The following TMEM178B variants were observed in gnomAD, a reference collection of about 807,000 sequenced individuals.
The protein encoded by TMEM178B is transmembrane protein 178B.
TMEM178B carries 5 observed loss-of-function variants against 31.0 expected under a neutral mutation model. That is an observed-to-expected ratio of 0.16 (90% CI 0.08 to 0.34). The LOEUF (loss-of-function observed/expected upper bound fraction) is 0.34. Ranked by LOEUF, TMEM178B falls within the 10% of genes least tolerant of loss-of-function variation. The probability of loss-of-function intolerance (pLI) is 1.00; values close to 1 mark genes in which losing one functional copy is unlikely to be tolerated. For synonymous variants in TMEM178B, 164 were observed against 164.0 expected, an observed-to-expected ratio of 1.00 and a Z score of 0.00; for missense variants, 275 against 400.3, an observed-to-expected ratio of 0.69 and a Z score of 2.67.
rs150583146 is a variant in TMEM178B at position 141,436,812 on chromosome 7, C to T, written c.497-796C>T. ...CCCTTCTGCTAAAAATACTGCCTTT[C>T]CAGACAACCCTCTTCCTCCTGGAGC... On this transcript the variant is annotated intron_variant, in intron 2 of 3. Transcript: ENST00000565468. 1.6e-3 allele frequency among the ~76,000 whole-genome samples: 236 copies of T among 152,244 alleles called. 1 individual carries two copies. The highest frequency in any genetic ancestry group is 5.6e-3 in the African/African-American group (233 of 41,536).
the TMEM178B span, among the ~76,000 whole-genome samples, chr7:141,506,608 C>T: frequency 1.3e-5 from 2 of 152,132 alleles, no homozygotes; most frequent in African/African-American, 2.4e-5. Context: ...CTGGGAGATA[C>T]AATTCAAGTT....
chr7:141,156,284 T>C (rs1796068659), intron 1 of TMEM178B, among the ~76,000 whole-genome samples: 1 of 152,232 alleles, frequency 6.6e-6, no homozygotes, highest in Admixed American at 6.5e-5. Context: ...GAACTGGATC[T>C]CTGAGGTCTT....
chr7:141,108,887 G>A (rs1428275664), intron 1 of TMEM178B, among the ~76,000 whole-genome samples: 1 of 152,194 alleles, frequency 6.6e-6, no homozygotes, highest in East Asian at 1.9e-4. Flanking sequence ...AAGGAAAGAG[G>A]TTTAATGGAC....
At chr7:141,337,618 G>A (rs1799447176) in intron 2 of TMEM178B, among the ~76,000 whole-genome samples, 2 of 152,160 alleles carry the variant, frequency 1.3e-5, no homozygotes, top group Admixed American at 6.5e-5. Context: ...TGGTGATGAA[G>A]CCTCTGTTCT....
At chr7:141,434,968 A>G (rs1019683261) in intron 2 of TMEM178B, among the ~76,000 whole-genome samples, 1 of 152,264 alleles carries the variant, frequency 6.6e-6, no homozygotes, top group African/African-American at 2.4e-5. Flanking sequence ...ATAGTATTCC[A>G]TTGTGTATAT....
At chr7:141,297,501 C>T (rs1798655165) in intron 2 of TMEM178B, among the ~76,000 whole-genome samples, 1 of 152,182 alleles carries the variant, frequency 6.6e-6, no homozygotes, top group Non-Finnish European at 1.5e-5. Flanking sequence ...TGCTATCCCT[C>T]TCCCCTTCCC....
intron 1 of TMEM178B, among the ~76,000 whole-genome samples, chr7:141,133,828 T>C (rs564394773): frequency 6.6e-6 from 1 of 152,132 alleles, no homozygotes; most frequent in Non-Finnish European, 1.5e-5. Context: ...TTCTGAAAAA[T>C]AACAAGAGGA....
intron 2 of TMEM178B, among the ~76,000 whole-genome samples, chr7:141,219,518 A>G (rs1797220471): frequency 6.6e-6 from 1 of 152,132 alleles, no homozygotes; most frequent in Non-Finnish European, 1.5e-5. Context: ...CTTGCCCCAG[A>G]ACTAGAAAAA....
intron 2 of TMEM178B, among the ~76,000 whole-genome samples, chr7:141,374,666 ATTAC>A (rs1417990436): frequency 6.6e-5 from 10 of 152,194 alleles, no homozygotes; most frequent in African/African-American, 2.2e-4. Context: ...CCATGTGACA[ATTAC>A]TTAAGCATTC....
chr7:141,362,298 A>G (rs1231251646), intron 2 of TMEM178B, among the ~76,000 whole-genome samples: 1 of 152,230 alleles, frequency 6.6e-6, no homozygotes, highest in Non-Finnish European at 1.5e-5. Flanking sequence ...TGGGACAAAA[A>G]TCACTCAATT....
At chr7:141,417,525 G>A (rs556105502) in intron 2 of TMEM178B, among the ~76,000 whole-genome samples, 1 of 152,200 alleles carries the variant, frequency 6.6e-6, no homozygotes, top group Non-Finnish European at 1.5e-5. Flanking sequence ...GGCACTAAGT[G>A]AGGGGTCCCA....
At chr7:141,173,456 G>A (rs1000626484) in intron 1 of TMEM178B, among the ~76,000 whole-genome samples, 1 of 152,170 alleles carries the variant, frequency 6.6e-6, no homozygotes, top group Non-Finnish European at 1.5e-5. Flanking sequence ...TCCAAGGAAG[G>A]CTTCACTGAG....
intron 2 of TMEM178B, among the ~76,000 whole-genome samples, chr7:141,298,471 G>GA (rs1235226337): frequency 6.6e-6 from 1 of 152,140 alleles, no homozygotes; most frequent in Non-Finnish European, 1.5e-5. Flanking sequence ...TCTTCAATGT[G>GA]AACTCCAATA....
Position 141,419,319 on chromosome 7 carries a change from A to G in TMEM178B, c.497-18289A>G, listed in dbSNP as rs550079031. Among the ~76,000 whole-genome samples the G allele has an allele frequency of 1.1e-3, 168 of 152,336 alleles. 1 individual carries two copies. The highest frequency in any genetic ancestry group is 3.8e-3 in the African/African-American group (159 of 41,584). ...TTGAGTCTGTGTCTTGGTCAAGGAC[A>G]TCACCAAGGATATCATTTTCCCCAT... is the stretch of plus-strand genomic sequence containing the variant. On this transcript the variant is annotated intron_variant, in intron 2 of 3. Transcript: ENST00000565468.
chr7:141,171,830 A>G lies in TMEM178B; in HGVS notation c.383-40761A>G, dbSNP rs1364720213. Among the ~76,000 whole-genome samples the G allele has an allele frequency of 4.1e-5, 5 of 121,704 alleles. No individual in the cohort carries two copies. Among genetic ancestry groups the G allele is most frequent in the Non-Finnish European group, 8.9e-5 (5 of 55,924 alleles). 79.8% of individuals were successfully genotyped at this position (121,704 alleles called of 152,430 possible). The stretch of plus-strand genomic sequence containing the variant: ...TGTGCTAGCATTTATCAGGCTCTCA[A>G]TACACATTTGTGAATGAATGAATGA... On this transcript the variant is annotated intron_variant, in intron 1 of 3. Coordinates refer to ENST00000565468, the MANE Select transcript of TMEM178B (RefSeq NM_001195278.2). This position sits in a 1 kb window ranked among gnomAD's most constrained non-coding sequence, Gnocchi z 4.3.
At chr7:141,448,565 G>C (rs79083814) in intron 3 of TMEM178B, among the ~76,000 whole-genome samples, 1 of 152,176 alleles carries the variant, frequency 6.6e-6, no homozygotes, top group South Asian at 2.1e-4. Flanking sequence ...TCCCAGAAGT[G>C]TAAAGGAGAT....
intron 1 of TMEM178B, among the ~76,000 whole-genome samples, chr7:141,148,296 A>G (rs899603813): frequency 1.3e-5 from 2 of 152,172 alleles, no homozygotes; most frequent in African/African-American, 4.8e-5. Flanking sequence ...TCCTCATCAC[A>G]GACCCTCAGC....
chr7:141,340,873 T>A (rs993218586), intron 2 of TMEM178B, among the ~76,000 whole-genome samples: 1 of 152,224 alleles, frequency 6.6e-6, no homozygotes, highest in African/African-American at 2.4e-5. Context: ...TTCTGCAACA[T>A]CATCTGATCC....
At chr7:141,492,587 C>T in the TMEM178B span, among the ~76,000 whole-genome samples, 19 of 152,138 alleles carry the variant, frequency 1.2e-4, 1 homozygote, top group Admixed American at 2.6e-4. Context: ...AGATATGGAC[C>T]GCTAAAGGCG....
Sources: gnomAD v4.1 joint callset for allele counts (sites outside exome capture counted in the v4.1 genomes callset) on GRCh38, gnomAD v4.1.1 for gene constraint, Gnocchi (gnomAD v3.1) non-coding constraint, MANE v1.5 for transcripts, NCBI Gene and HGNC (gene_info 2026-07-23, HGNC 2026-07-21) for gene names.